GABRB1: variants seen among roughly 807,000 people sequenced by gnomAD.
GABRB1 encodes gamma-aminobutyric acid type A receptor subunit beta1.
GABRB1 carries 17 observed loss-of-function variants against 51.6 expected under a neutral mutation model. The ratio of observed to expected loss-of-function variants is 0.33; its 90% confidence interval spans 0.23 to 0.49. GABRB1 has a LOEUF of 0.49. Ranked by LOEUF, GABRB1 falls within the 20% of genes least tolerant of loss-of-function variation. The probability of loss-of-function intolerance (pLI) is 0.99; values close to 1 mark genes in which losing one functional copy is unlikely to be tolerated. For synonymous variants in GABRB1, 247 were observed against 218.9 expected, an observed-to-expected ratio of 1.13 and a Z score of -1.14; for missense variants, 410 against 600.6, an observed-to-expected ratio of 0.68 and a Z score of 3.32.
At chr4:47,347,907 A>G (rs1204074934) in intron 5 of GABRB1, among the ~76,000 whole-genome samples, 1 of 152,230 alleles carries the variant, frequency 6.6e-6, no homozygotes, top group Non-Finnish European at 1.5e-5. Context: ...CTAGATTAGC[A>G]TGCATTCATA....
intron 4 of GABRB1, among the ~76,000 whole-genome samples, chr4:47,247,272 G>A (rs1721800793): frequency 1.3e-5 from 2 of 152,046 alleles, no homozygotes; most frequent in Admixed American, 1.3e-4. Flanking sequence ...TTGTTGAAAA[G>A]GGTGTCTTTT....
At chr4:47,215,497 C>G (rs962488831) in intron 4 of GABRB1, among the ~76,000 whole-genome samples, 4 of 151,642 alleles carry the variant, frequency 2.6e-5, no homozygotes, top group Non-Finnish European at 5.9e-5. Flanking sequence ...GACCAAAAGA[C>G]TATGCTAGGT....
chr4:47,107,493 T>C (rs1362185566), intron 3 of GABRB1, among the ~76,000 whole-genome samples: 2 of 152,102 alleles, frequency 1.3e-5, no homozygotes, highest in African/African-American at 4.8e-5. Context: ...GCATTGGGTA[T>C]CATTGTTTTC....
At chr4:47,266,229 C>G (rs1722634855) in intron 4 of GABRB1, among the ~76,000 whole-genome samples, 1 of 152,072 alleles carries the variant, frequency 6.6e-6, no homozygotes. Flanking sequence ...TCCACTTTAT[C>G]AAAGACTGGT....
intron 1 of GABRB1, among the ~76,000 whole-genome samples, chr4:47,010,516 T>G (rs961949886): frequency 2.0e-5 from 3 of 152,222 alleles, no homozygotes; most frequent in African/African-American, 4.8e-5. Flanking sequence ...TGCACACTAA[T>G]GAAGGAAATA....
intron 4 of GABRB1, among the ~76,000 whole-genome samples, chr4:47,197,319 G>A (rs927742773): frequency 6.6e-6 from 1 of 152,062 alleles, no homozygotes; most frequent in African/African-American, 2.4e-5. Flanking sequence ...TTATTTTTCT[G>A]GATTACCCCT....
At chr4:47,123,698 TATATATAATATGATATATGATATATG>T (rs1715939315) in intron 3 of GABRB1, among the ~76,000 whole-genome samples, 1 of 31,380 alleles carries the variant, frequency 3.2e-5, no homozygotes, top group African/African-American at 1.3e-4. Flanking sequence ...TGATATATTA[TATATATAATATGATATATGATATATG>T]ATATATCATA....
chr4:47,159,813 A>G (rs1717858554), intron 3 of GABRB1, among the ~76,000 whole-genome samples: 1 of 152,082 alleles, frequency 6.6e-6, no homozygotes, highest in African/African-American at 2.4e-5. Flanking sequence ...CATGATTCTA[A>G]TCATTCTTTT....
intron 3 of GABRB1, among the ~76,000 whole-genome samples, chr4:47,033,696 T>C (rs754785041): frequency 8.5e-5 from 13 of 152,172 alleles, no homozygotes; most frequent in Non-Finnish European, 1.8e-4. Context: ...TATGTTAGGG[T>C]CGAAATAAAT....
In GABRB1 at chr4:47,207,916, G is replaced by T. The variant is rs1179960875; in HGVS notation, c.461+46447G>T. ...GATGTAGTCTTTAGATGTTATTACT[G>T]CCTATAACTTCTTCAGTGGCCTTGG... is the stretch of plus-strand genomic sequence containing the variant. On this transcript the variant is annotated intron_variant, in intron 4 of 8. Coordinates refer to ENST00000295454, the MANE Select transcript of GABRB1 (RefSeq NM_000812.4). Among the ~76,000 whole-genome samples, 4 of 152,014 alleles carry T rather than the reference G, an allele frequency of 2.6e-5. No homozygotes were observed. In the East Asian group the frequency reaches 7.7e-4, roughly 29 times the overall value.
intron 5 of GABRB1, among the ~76,000 whole-genome samples, chr4:47,392,081 G>C (rs1422619866): frequency 6.7e-6 from 1 of 149,880 alleles, no homozygotes; most frequent in African/African-American, 2.5e-5. Flanking sequence ...TACAAAGATT[G>C]GAAGGGCTAA....
intron 1 of GABRB1, chr4:46,994,159 C>T (rs927959635): frequency 7.2e-5 from 11 of 152,474 alleles, no homozygotes; most frequent in African/African-American, 2.2e-4. Context: ...GGCGGACTCT[C>T]GCCAAACTAT....
chr4:47,250,775 T>G (rs989624079), intron 4 of GABRB1, among the ~76,000 whole-genome samples: 2 of 152,208 alleles, frequency 1.3e-5, no homozygotes, highest in African/African-American at 4.8e-5. Context: ...TTTGCATTTC[T>G]GTGTGTCCAA....
intron 4 of GABRB1, among the ~76,000 whole-genome samples, chr4:47,260,266 T>C (rs1190521863): frequency 1.3e-5 from 2 of 151,876 alleles, no homozygotes; most frequent in African/African-American, 4.8e-5. Context: ...CTGATGGGTC[T>C]TGACTCTTTA....
intron 5 of GABRB1, among the ~76,000 whole-genome samples, chr4:47,385,908 G>A (rs1156433516): frequency 6.6e-6 from 1 of 152,192 alleles, no homozygotes; most frequent in Admixed American, 6.5e-5. Context: ...CAACTCAGGA[G>A]CAGCCAGATG....
intron 4 of GABRB1, among the ~76,000 whole-genome samples, chr4:47,244,023 T>C (rs1264193345): frequency 1.3e-5 from 2 of 152,198 alleles, no homozygotes; most frequent in South Asian, 4.1e-4. Context: ...TGTGGGTTTG[T>C]CATAAATAGC....
chr4:47,184,962 C>T (rs1447231986), intron 4 of GABRB1, among the ~76,000 whole-genome samples: 4 of 151,778 alleles, frequency 2.6e-5, no homozygotes, highest in African/African-American at 9.7e-5. Flanking sequence ...CTTTGCTATA[C>T]CATGGTTATG....
chr4:47,271,955 ATATT>A (rs1722889807), intron 4 of GABRB1, among the ~76,000 whole-genome samples: 1 of 148,382 alleles, frequency 6.7e-6, no homozygotes. Flanking sequence ...TTACTAGTAT[ATATT>A]TAAGCTTCAA....
chr4:47,024,933 C>CATATATATATATCTATATATATATATAT (rs1725040294), intron 1 of GABRB1, among the ~76,000 whole-genome samples: 1 of 86,202 alleles, frequency 1.2e-5, no homozygotes, highest in African/African-American at 5.0e-5. Flanking sequence ...AGTATTCCAT[C>CATATATATATATCTATATATATATATAT]ATATATATAT....
Sources: gnomAD v4.1 joint callset for allele counts (sites outside exome capture counted in the v4.1 genomes callset) on GRCh38, gnomAD v4.1.1 for gene constraint, MANE v1.5 for transcripts, NCBI Gene and HGNC (gene_info 2026-07-23, HGNC 2026-07-21) for gene names.